CRISPLD2: variants seen among roughly 807,000 people sequenced by gnomAD.
CRISPLD2 encodes the protein cysteine rich secretory protein LCCL domain containing 2, also known as cysteine-rich secretory protein LCCL domain-containing 2.
Under a neutral mutation model 71.1 loss-of-function variants are expected in CRISPLD2, and 47 were observed. That is an observed-to-expected ratio of 0.66 (90% CI 0.52 to 0.84). The LOEUF (loss-of-function observed/expected upper bound fraction) is 0.84. Among genes scored for constraint, CRISPLD2 ranks in the 40% least tolerant of loss-of-function variants. The probability of loss-of-function intolerance (pLI) is 0.00; values close to 1 mark genes in which losing one functional copy is unlikely to be tolerated. For missense variants in CRISPLD2, 830 were observed against 651.1 expected, an observed-to-expected ratio of 1.27 and a Z score of -2.99; for synonymous variants, 317 against 250.1, an observed-to-expected ratio of 1.27 and a Z score of -2.52.
At chr16:84,826,976 AT>A (rs892840753) in intron 1 of CRISPLD2, among the ~76,000 whole-genome samples, 20 of 147,982 alleles carry the variant, frequency 1.4e-4, no homozygotes, top group East Asian at 2.0e-4. Context: ...GCAACATCAA[AT>A]TTTTTTTTTT....
intron 14 of CRISPLD2, among the ~76,000 whole-genome samples, chr16:84,905,544 G>A (rs2071793994): frequency 6.6e-6 from 1 of 151,722 alleles, no homozygotes; most frequent in Non-Finnish European, 1.5e-5. Flanking sequence ...GATTACAGGT[G>A]CACACCATCA....
At chr16:84,854,913 TAAAG>T (rs72337724) in intron 6 of CRISPLD2, 84 bp downstream of exon 6, 235,314 of 1,077,524 alleles carry the variant, frequency 0.22, 28,526 homozygotes, top group East Asian at 0.48. Flanking sequence ...ACAGGGGAAT[TAAAG>T]AAGTCAGTCA....
At chr16:84,860,796 G>T (rs1917358479) in intron 6 of CRISPLD2, among the ~76,000 whole-genome samples, 1 of 152,142 alleles carries the variant, frequency 6.6e-6, no homozygotes, top group African/African-American at 2.4e-5. Flanking sequence ...TTCATTGCAG[G>T]TCAGCCACTT....
At position 84,834,491 on chromosome 16, in the gene CRISPLD2, G is replaced by T. The variant is rs539608956; in HGVS notation, c.-74-3931G>T. On this transcript the variant is annotated intron_variant, in intron 1 of 14. Coordinates refer to ENST00000262424, the MANE Select transcript of CRISPLD2 (RefSeq NM_031476.4). Reference sequence around the variant, plus strand: ...CTGGGCCTCGGCCAATTGGTTTGTGGCTTTGGCAGATGGCACCAACCAGGT... The same window carrying T: ...CTGGGCCTCGGCCAATTGGTTTGTGTCTTTGGCAGATGGCACCAACCAGGT... Among the ~76,000 whole-genome samples, 50 of 152,356 alleles carry T rather than the reference G, an allele frequency of 3.3e-4. No individual in the cohort carries two copies. The Middle Eastern group carries it at 0.01, about 31-fold the overall frequency.
At chr16:84,834,895 A>G (rs1916578257) in intron 1 of CRISPLD2, among the ~76,000 whole-genome samples, 1 of 151,948 alleles carries the variant, frequency 6.6e-6, no homozygotes, top group Non-Finnish European at 1.5e-5. Context: ...ATGGCCTCAC[A>G]TTACCTTAAT....
intron 10 of CRISPLD2, 91 bp downstream of exon 10, chr16:84,873,213 G>A (rs1400997427): frequency 1.1e-5 from 17 of 1,494,546 alleles, no homozygotes; most frequent in South Asian, 3.9e-5. Flanking sequence ...CAGGCCGGGC[G>A]TGGTGGCTCA....
At chr16:84,830,283 C>G (rs1484419166) in intron 1 of CRISPLD2, among the ~76,000 whole-genome samples, 2 of 152,198 alleles carry the variant, frequency 1.3e-5, no homozygotes, top group Non-Finnish European at 2.9e-5. Flanking sequence ...GATTGCACCA[C>G]TGCACTCTAG....
intron 12 of CRISPLD2, among the ~76,000 whole-genome samples, chr16:84,880,194 G>C (rs1221279094): frequency 6.6e-6 from 1 of 152,158 alleles, no homozygotes; most frequent in Non-Finnish European, 1.5e-5. Flanking sequence ...AAGAATGGGA[G>C]GGGCAGCCTC....
intron 13 of CRISPLD2, among the ~76,000 whole-genome samples, chr16:84,882,767 C>T (rs193112963): frequency 2.2e-4 from 34 of 152,310 alleles, no homozygotes; most frequent in Non-Finnish European, 2.9e-5. Context: ...AACACCGTCT[C>T]TAGGTATCGT....
intron 1 of CRISPLD2, chr16:84,836,067 A>G (rs1347584754): frequency 6.6e-6 from 1 of 152,248 alleles, no homozygotes; most frequent in African/African-American, 2.4e-5. Flanking sequence ...CAGTCAAAAC[A>G]TAGTGAAAAC....
chr16:84,905,748 C>A (rs1248778184), intron 14 of CRISPLD2, among the ~76,000 whole-genome samples: 1 of 137,216 alleles, frequency 7.3e-6, no homozygotes, highest in Admixed American at 7.3e-5. Context: ...TTACTCTTGT[C>A]CCCCAGGCTG....
intron 6 of CRISPLD2, among the ~76,000 whole-genome samples, chr16:84,862,730 G>C (rs1917419728): frequency 6.7e-6 from 1 of 148,194 alleles, no homozygotes; most frequent in South Asian, 2.1e-4. Flanking sequence ...CATGACCGAG[G>C]GGCCTTGCAG....
chr16:84,846,220 TCCCTTCCCTCCCTTC>T, intron 3 of CRISPLD2: 1 of 213,504 alleles, frequency 4.7e-6, no homozygotes, highest in South Asian at 8.7e-5. Flanking sequence ...CCTCCCTCCT[TCCCTTCCCTCCCTTC>T]CCCTCCCCTC....
chr16:84,869,328 G>A (rs542842889), intron 8 of CRISPLD2, among the ~76,000 whole-genome samples: 3 of 152,346 alleles, frequency 2.0e-5, no homozygotes, highest in Admixed American at 6.5e-5. Flanking sequence ...GCCGCCGCAC[G>A]CACACCCTCA....
intron 10 of CRISPLD2, 32 bp from the exon 11 acceptor site, chr16:84,873,888 T>G: frequency 6.6e-7 from 1 of 1,523,754 alleles, no homozygotes; most frequent in Non-Finnish European, 8.8e-7. Context: ...ATTTACCTAA[T>G]GCCCGTTTTT....
intron 2 of CRISPLD2, 119 bp downstream of exon 2, chr16:84,838,854 T>A: frequency 3.8e-6 from 5 of 1,308,752 alleles, no homozygotes; most frequent in Non-Finnish European, 5.3e-6. Flanking sequence ...TGGCTCAGGG[T>A]CTCCTCTGGC....
intron 2 of CRISPLD2, chr16:84,840,084 A>G (rs904089198): frequency 6.6e-6 from 1 of 151,968 alleles, no homozygotes; most frequent in East Asian, 1.9e-4. Context: ...GGGTACAGGC[A>G]TCATCATGTC....
At chr16:84,880,662 A>G (rs781266304) in intron 13 of CRISPLD2, 78 bp downstream of exon 13, 6 of 1,037,060 alleles carry the variant, frequency 5.8e-6, no homozygotes, top group Non-Finnish European at 6.0e-6. Flanking sequence ...AGATCTGGAT[A>G]CTTGAAACTT....
intron 6 of CRISPLD2, among the ~76,000 whole-genome samples, chr16:84,863,446 G>A (rs867999171): frequency 3.9e-5 from 6 of 152,160 alleles, no homozygotes; most frequent in Non-Finnish European, 4.4e-5. Flanking sequence ...ACCTCTAACG[G>A]AGATGGAGCA....
Sources: gnomAD v4.1 joint callset for allele counts (sites outside exome capture counted in the v4.1 genomes callset) on GRCh38, gnomAD v4.1.1 for gene constraint, MANE v1.5 for transcripts, NCBI Gene and HGNC (gene_info 2026-07-23, HGNC 2026-07-21) for gene names.